Variants in DLG2 observed in about 807,000 individuals in gnomAD.
The protein encoded by DLG2 is disks large homolog 2.
A neutral mutation model predicts 132.5 loss-of-function variants in DLG2; 45 were observed. The observed-to-expected ratio is 0.34, with a 90% CI of 0.27 to 0.44. DLG2 has a LOEUF of 0.44. DLG2 is among the 20% of genes least tolerant of loss of function. The pLI, the probability that DLG2 is intolerant of heterozygous loss-of-function variation, is 1.00. For synonymous variants in DLG2, 424 were observed against 419.6 expected, an observed-to-expected ratio of 1.01 and a Z score of -0.13; for missense variants, 1,045 against 1,196.9, an observed-to-expected ratio of 0.87 and a Z score of 1.87.
At chr11:84,536,698 T>C (rs536028509) in intron 6 of DLG2, among the ~76,000 whole-genome samples, 1 of 152,344 alleles carries the variant, frequency 6.6e-6, no homozygotes, top group Admixed American at 6.5e-5. Context: ...ATCTATGTTG[T>C]CATCTGAGCC....
chr11:84,461,519 T>C (rs943866111), intron 7 of DLG2, among the ~76,000 whole-genome samples: 3 of 150,984 alleles, frequency 2.0e-5, no homozygotes, highest in African/African-American at 4.8e-5. Context: ...TGACCAGAAA[T>C]AGGGAAAAGT....
chr11:83,501,201 TC>T (rs2094437880), intron 21 of DLG2, among the ~76,000 whole-genome samples: 1 of 131,648 alleles, frequency 7.6e-6, no homozygotes. Flanking sequence ...GTTTTTCTTT[TC>T]TTTTTTTTTT....
chr11:84,407,193 G>C (rs1202569850), intron 7 of DLG2, among the ~76,000 whole-genome samples: 3 of 151,970 alleles, frequency 2.0e-5, no homozygotes, highest in South Asian at 4.2e-4. Flanking sequence ...AATATGTCAG[G>C]CTCCCCAAAC....
chr11:83,598,290 T>C (rs1231439088), intron 19 of DLG2, among the ~76,000 whole-genome samples: 2 of 152,262 alleles, frequency 1.3e-5, no homozygotes, highest in Non-Finnish European at 2.9e-5. Context: ...CATCGTCTAC[T>C]CATTCCCAGC....
At chr11:85,306,889 T>C (rs1170195868) in intron 3 of DLG2, among the ~76,000 whole-genome samples, 1 of 152,154 alleles carries the variant, frequency 6.6e-6, no homozygotes, top group East Asian at 1.9e-4. Flanking sequence ...CCTTTTTTAA[T>C]GTAACCTGGA....
At chr11:83,678,707 C>T (rs2078204316) in intron 18 of DLG2, among the ~76,000 whole-genome samples, 1 of 152,128 alleles carries the variant, frequency 6.6e-6, no homozygotes, top group South Asian at 2.1e-4. Context: ...TCTAAGTGAG[C>T]CCATCCTCTT....
At chr11:85,233,759 G>T (rs2075429628) in intron 4 of DLG2, among the ~76,000 whole-genome samples, 1 of 149,230 alleles carries the variant, frequency 6.7e-6, no homozygotes, top group Non-Finnish European at 1.5e-5. Context: ...TCAGATTTTG[G>T]ACCTTTCCTT....
chr11:84,364,705 G>C (rs912954120), intron 7 of DLG2, among the ~76,000 whole-genome samples: 2 of 152,106 alleles, frequency 1.3e-5, no homozygotes, highest in Non-Finnish European at 2.9e-5. Context: ...AATTTATTGA[G>C]AGTTTTTAGC....
intron 6 of DLG2, among the ~76,000 whole-genome samples, chr11:85,088,062 T>C (rs1461554934): frequency 6.6e-6 from 1 of 152,180 alleles, no homozygotes; most frequent in Non-Finnish European, 1.5e-5. Flanking sequence ...GTTAAAATGC[T>C]ATTGTTTGTA....
At chr11:83,608,089 A>G (rs2059598648) in intron 19 of DLG2, among the ~76,000 whole-genome samples, 1 of 152,128 alleles carries the variant, frequency 6.6e-6, no homozygotes, top group South Asian at 2.1e-4. Flanking sequence ...CCATTGATCC[A>G]TGCATTTCAG....
intron 6 of DLG2, among the ~76,000 whole-genome samples, chr11:84,715,906 C>T (rs995706996): frequency 2.6e-5 from 4 of 151,976 alleles, no homozygotes; most frequent in South Asian, 4.1e-4. Flanking sequence ...ATGCTAATTT[C>T]GTTTCCTTTG....
At chr11:83,682,808 T>C (rs1444163125) in intron 18 of DLG2, among the ~76,000 whole-genome samples, 3 of 152,068 alleles carry the variant, frequency 2.0e-5, no homozygotes, top group Non-Finnish European at 4.4e-5. Flanking sequence ...AATGGCTTTA[T>C]TTGGTATTCA....
chr11:83,916,864 T>G (rs1258499898), intron 15 of DLG2, among the ~76,000 whole-genome samples: 1 of 152,122 alleles, frequency 6.6e-6, no homozygotes, highest in East Asian at 1.9e-4. Context: ...GAAAAAGCAC[T>G]ACCACCTGAA....
chr11:83,905,339 C>A (rs540273563), intron 15 of DLG2, among the ~76,000 whole-genome samples: 2 of 152,106 alleles, frequency 1.3e-5, no homozygotes, highest in African/African-American at 2.4e-5. Flanking sequence ...TCTTACCCAT[C>A]CTCTGGGGCT....
chr11:85,343,983 G>A (rs2082670850), intron 3 of DLG2, among the ~76,000 whole-genome samples: 24 of 152,080 alleles, frequency 1.6e-4, no homozygotes, highest in Admixed American at 1.5e-3. Context: ...TGGATGTGAA[G>A]GAAGTTAATT....
At chr11:83,778,665 T>C (rs1454683305) in intron 18 of DLG2, among the ~76,000 whole-genome samples, 1 of 152,154 alleles carries the variant, frequency 6.6e-6, no homozygotes, top group African/African-American at 2.4e-5. Flanking sequence ...GAGAGTTTTC[T>C]AATTTAGGAG....
intron 7 of DLG2, among the ~76,000 whole-genome samples, chr11:84,283,708 T>C (rs2097878276): frequency 6.6e-6 from 1 of 152,118 alleles, no homozygotes; most frequent in African/African-American, 2.4e-5. Flanking sequence ...TACTTTTTAA[T>C]TTTCTTCCTC....
At chr11:84,907,633 C>T (rs765303973) in intron 6 of DLG2, among the ~76,000 whole-genome samples, 3 of 152,128 alleles carry the variant, frequency 2.0e-5, no homozygotes, top group East Asian at 3.9e-4. Context: ...AGGGATCCAC[C>T]GAGGAGATTA....
intron 7 of DLG2, among the ~76,000 whole-genome samples, chr11:84,427,773 A>C (rs145830731): frequency 6.6e-6 from 1 of 152,256 alleles, no homozygotes; most frequent in East Asian, 1.9e-4. Context: ...CTGTCAAATC[A>C]CATAGATCTG....
Sources: allele counts gnomAD v4.1 joint callset (sites outside exome capture counted in the v4.1 genomes callset), GRCh38; gene constraint gnomAD v4.1.1; transcripts MANE v1.5; gene names NCBI Gene and HGNC (gene_info 2026-07-23, HGNC 2026-07-21).